Variants in GRIA2 observed in about 807,000 individuals in gnomAD.
GRIA2 encodes glutamate receptor 2.
In GRIA2, 14 loss-of-function variants were observed where a neutral mutation model predicts 97.3. The ratio of observed to expected loss-of-function variants is 0.14; its 90% confidence interval spans 0.10 to 0.23. The LOEUF (loss-of-function observed/expected upper bound fraction) is 0.23, where lower values mean the gene tolerates loss of function less well. GRIA2 is among the 10% of genes least tolerant of loss of function. The pLI, the probability that GRIA2 is intolerant of heterozygous loss-of-function variation, is 1.00. For missense variants in GRIA2, 558 were observed against 1,069.8 expected (o/e 0.52, Z 6.67); for synonymous variants, 412 against 387.8 (o/e 1.06, Z -0.73).
intron 11 of GRIA2, 119 bp from the exon 12 acceptor site, chr4:157,341,145 A>G: frequency 1.4e-6 from 1 of 710,284 alleles, no homozygotes; most frequent in East Asian, 2.7e-5. Flanking sequence ...TAGTAGATAC[A>G]TTGAAAAATA....
At chr4:157,342,286 A>T in intron 12 of GRIA2, 1 of 983,802 alleles carries the variant, frequency 1.0e-6, no homozygotes, top group Non-Finnish European at 1.2e-6. Flanking sequence ...TAGGACCTTC[A>T]AATGGCCATC....
chr4:157,343,099 G>A (rs1054746586), intron 12 of GRIA2, among the ~76,000 whole-genome samples: 2 of 152,024 alleles, frequency 1.3e-5, no homozygotes, highest in African/African-American at 4.8e-5. Context: ...TTGTTTCAGT[G>A]CACTAACTTC....
intron 2 of GRIA2, among the ~76,000 whole-genome samples, chr4:157,294,104 C>A (rs1473201620): frequency 6.6e-6 from 1 of 151,988 alleles, no homozygotes. Flanking sequence ...TTCTGTGAAA[C>A]CTTCAGAACC....
intron 6 of GRIA2, among the ~76,000 whole-genome samples, chr4:157,325,739 CT>C (rs1240534416): frequency 6.6e-6 from 1 of 152,142 alleles, no homozygotes; most frequent in African/African-American, 2.4e-5. Context: ...TTCTCTTTCT[CT>C]TGTAATCTAC....
At chr4:157,353,990 A>G (rs1201760311) in intron 12 of GRIA2, among the ~76,000 whole-genome samples, 1 of 152,102 alleles carries the variant, frequency 6.6e-6, no homozygotes, top group Non-Finnish European at 1.5e-5. Flanking sequence ...TTTCATATAA[A>G]ATGTCATGAT....
intron 2 of GRIA2, among the ~76,000 whole-genome samples, chr4:157,285,067 A>G (rs1732776656): frequency 6.6e-6 from 1 of 151,584 alleles, no homozygotes. Context: ...TTGTTTTTAT[A>G]TGTTATTAAT....
At chr4:157,261,749 T>C (rs1731546655) in intron 2 of GRIA2, among the ~76,000 whole-genome samples, 2 of 152,154 alleles carry the variant, frequency 1.3e-5, no homozygotes, top group South Asian at 4.1e-4. Context: ...TTTGGGTATT[T>C]ACATTGTTCT....
intron 2 of GRIA2, among the ~76,000 whole-genome samples, chr4:157,259,117 A>G (rs752014582): frequency 2.0e-5 from 3 of 152,098 alleles, no homozygotes; most frequent in African/African-American, 4.8e-5. Context: ...GGTCCCACCT[A>G]CTAAGGAGGC....
At chr4:157,326,712 A>C (rs1161227481) in intron 6 of GRIA2, among the ~76,000 whole-genome samples, 4 of 152,192 alleles carry the variant, frequency 2.6e-5, no homozygotes, top group African/African-American at 9.6e-5. Context: ...ATATTTCCAT[A>C]AGGCTTTAGG....
chr4:157,248,791 T>TGAAATATATATATAAATATATATAAATA (rs1730885230), intron 2 of GRIA2, among the ~76,000 whole-genome samples: 1 of 62,914 alleles, frequency 1.6e-5, no homozygotes, highest in Non-Finnish European at 3.2e-5. Context: ...TATATATATA[T>TGAAATATATATATAAATATATATAAATA]ATATATATAT....
intron 2 of GRIA2, among the ~76,000 whole-genome samples, chr4:157,273,274 G>A (rs1191106865): frequency 1.3e-5 from 2 of 151,980 alleles, no homozygotes; most frequent in South Asian, 4.1e-4. Context: ...TCAACTCCCT[G>A]CAGGCACCAA....
intron 2 of GRIA2, among the ~76,000 whole-genome samples, chr4:157,255,982 TAC>T (rs1244798014): frequency 2.7e-5 from 4 of 150,940 alleles, no homozygotes; most frequent in African/African-American, 7.3e-5. Flanking sequence ...TAGTTTTATA[TAC>T]AGTGACACAG....
At chr4:157,307,098 A>G (rs576246098) in intron 3 of GRIA2, among the ~76,000 whole-genome samples, 1 of 152,260 alleles carries the variant, frequency 6.6e-6, no homozygotes, top group South Asian at 2.1e-4. Flanking sequence ...TCAGGAATAT[A>G]TATTGGTTAA....
intron 2 of GRIA2, among the ~76,000 whole-genome samples, chr4:157,282,215 T>C (rs2126816063): frequency 6.6e-6 from 1 of 152,224 alleles, no homozygotes; most frequent in African/African-American, 2.4e-5. Context: ...CAGTACCACA[T>C]GGTTAGAACA....
intron 2 of GRIA2, among the ~76,000 whole-genome samples, chr4:157,254,026 T>C (rs1238098882): frequency 2.6e-5 from 4 of 151,896 alleles, no homozygotes; most frequent in Admixed American, 2.6e-4. Context: ...ATACTTTCTT[T>C]TTTTTTTTCC....
chr4:157,348,523 G>A (rs1476937426), intron 12 of GRIA2, among the ~76,000 whole-genome samples: 1 of 152,022 alleles, frequency 6.6e-6, no homozygotes, highest in Non-Finnish European at 1.5e-5. Context: ...ACAGGCATGA[G>A]CCACCTCACC....
chr4:157,265,056 C>A (rs969198584), intron 2 of GRIA2, among the ~76,000 whole-genome samples: 12 of 152,064 alleles, frequency 7.9e-5, no homozygotes, highest in African/African-American at 2.7e-4. Context: ...AAAAGCCCAG[C>A]ATCTTTTATT....
At chr4:157,323,803 A>T (rs1250359068) in intron 6 of GRIA2, among the ~76,000 whole-genome samples, 1 of 152,160 alleles carries the variant, frequency 6.6e-6, no homozygotes, top group Non-Finnish European at 1.5e-5. Context: ...CTAGTGCCAG[A>T]TTTCACTGAG....
chr4:157,282,918 A>G (rs924267979), intron 2 of GRIA2, among the ~76,000 whole-genome samples: 1 of 152,082 alleles, frequency 6.6e-6, no homozygotes, highest in Non-Finnish European at 1.5e-5. Context: ...TACTTTATTC[A>G]CTGACATAGA....
Sources: gnomAD v4.1 joint callset for allele counts (sites outside exome capture counted in the v4.1 genomes callset) on GRCh38, gnomAD v4.1.1 for gene constraint, MANE v1.5 for transcripts, NCBI Gene and HGNC (gene_info 2026-07-23, HGNC 2026-07-21) for gene names.